Variants in ZRSR2 observed in about 807,000 individuals in gnomAD.
ZRSR2 encodes zinc finger CCCH-type, RNA binding motif and serine/arginine rich 2.
Under a neutral mutation model 39.4 loss-of-function variants are expected in ZRSR2, and 3 were observed. The ratio of observed to expected loss-of-function variants is 0.08; its 90% CI spans 0.03 to 0.20. The LOEUF is 0.20. Among genes scored for constraint, ZRSR2 ranks in the 10% least tolerant of loss-of-function variants. ZRSR2 has a pLI of 1.00. For missense variants in ZRSR2, 256 were observed against 391.5 expected (o/e 0.65, Z 2.92); for synonymous variants, 137 against 136.0 (o/e 1.01, Z -0.05).
chrX:15,793,563 G>C (rs1932351082), intron 2 of ZRSR2, among the ~76,000 whole-genome samples: 2 of 111,085 alleles, frequency 1.8e-5, no homozygotes, highest in South Asian at 7.5e-4. Flanking sequence ...TTTTGAGACA[G>C]AGTCTCACTC....
intron 2 of ZRSR2, among the ~76,000 whole-genome samples, chrX:15,791,497 C>T (rs1406561070): frequency 1.8e-5 from 2 of 110,973 alleles, no homozygotes. Flanking sequence ...ATTTTTGAGA[C>T]AGGGTCTTGT....
At chrX:15,813,536 G>T (rs1440387577) in intron 7 of ZRSR2, among the ~76,000 whole-genome samples, 2 of 112,166 alleles carry the variant, frequency 1.8e-5, no homozygotes, top group Non-Finnish European at 3.8e-5. Flanking sequence ...AGATTATAAG[G>T]ACTGTCTTTA....
chrX:15,820,623 C>T (rs1030701536), intron 10 of ZRSR2, among the ~76,000 whole-genome samples: 2 of 112,044 alleles, frequency 1.8e-5, no homozygotes, highest in African/African-American at 6.5e-5. Flanking sequence ...GAGGAGTTTA[C>T]GTCTGTGGAA....
intron 2 of ZRSR2, among the ~76,000 whole-genome samples, chrX:15,799,446 C>G (rs1018959848): frequency 9.3e-6 from 1 of 107,441 alleles, no homozygotes; most frequent in African/African-American, 3.4e-5. Context: ...TTCCACACCC[C>G]CACCACCTTT....
chrX:15,790,504 G>A lies in ZRSR2; in HGVS notation c.9G>A (p.Ala3=). The change falls in exon 1 of 11, where the codon GCG becomes GCA. Residue 3 remains alanine, a synonymous_variant. Transcript: ENST00000307771. The stretch of plus-strand genomic sequence containing the variant: ...GGGGCGGTGCCGGCAAGATGGCTGC[G>A]CCCGAGAAGATGACGTTTCCCGAGA... MA[A]PEKMTFPEKP... The A allele has an allele frequency of 1.7e-6, 2 of 1,159,953 alleles. No homozygotes were observed. Among genetic ancestry groups the A allele is most frequent in the Non-Finnish European group, 2.3e-6 (2 of 870,985 alleles).
chrX:15,808,958 G>T (rs893344862), intron 6 of ZRSR2, among the ~76,000 whole-genome samples: 6 of 111,337 alleles, frequency 5.4e-5, no homozygotes, highest in Non-Finnish European at 1.1e-4. Flanking sequence ...AAACCTTGGC[G>T]ACTGCCCCTG....
At chrX:15,805,924 C>T (rs1178043781) in intron 5 of ZRSR2, among the ~76,000 whole-genome samples, 31 of 52,758 alleles carry the variant, frequency 5.9e-4, no homozygotes, top group African/African-American at 2.3e-3. Context: ...AACTAGACTT[C>T]GTCTCAAAAA....
chrX:15,793,386 C>T (rs1400664161), intron 2 of ZRSR2, among the ~76,000 whole-genome samples: 1 of 111,149 alleles, frequency 9.0e-6, no homozygotes, highest in East Asian at 2.8e-4. Context: ...TTTTAATGGA[C>T]TAAATCCAGG....
intron 5 of ZRSR2, 66 bp downstream of exon 5, chrX:15,804,263 T>C: frequency 9.1e-7 from 1 of 1,096,092 alleles, no homozygotes; most frequent in Non-Finnish European, 1.2e-6. Context: ...ATGTCAGAGT[T>C]TGGGTTTTTT....
At chrX:15,807,761 C>T (rs1331163977) in intron 5 of ZRSR2, among the ~76,000 whole-genome samples, 3 of 110,082 alleles carry the variant, frequency 2.7e-5, no homozygotes, top group African/African-American at 6.6e-5. Flanking sequence ...AGCTATGGGC[C>T]GGGCACGGTA....
chrX:15,811,472 T>G (rs754013077), intron 7 of ZRSR2, among the ~76,000 whole-genome samples: 18 of 106,194 alleles, frequency 1.7e-4, no homozygotes, highest in Non-Finnish European at 2.9e-4. Context: ...GTCACCAGGC[T>G]GGAGTGCAGT....
At chrX:15,807,815 G>A (rs1348553498) in intron 5 of ZRSR2, among the ~76,000 whole-genome samples, 3 of 109,065 alleles carry the variant, frequency 2.8e-5, no homozygotes, top group Non-Finnish European at 3.8e-5. Flanking sequence ...TGAGGCGGGT[G>A]GATTGCTTGA....
intron 7 of ZRSR2, among the ~76,000 whole-genome samples, chrX:15,814,410 C>T (rs1932930902): frequency 1.8e-5 from 2 of 111,807 alleles, no homozygotes; most frequent in African/African-American, 6.5e-5. Context: ...AGGAGGATCA[C>T]TTGAAGCCAG....
Position 15,818,646 on chromosome X carries a change from A to AGTATT in ZRSR2, c.827+5_827+9dup, listed in dbSNP as rs764337045. On this transcript the variant is annotated splice_donor_region_variant and intron_variant, in intron 9 of 10. Coordinates refer to ENST00000307771, the MANE Select transcript of ZRSR2 (RefSeq NM_005089.4). The stretch of plus-strand genomic sequence containing the variant: ...ATGTATATGTTCAGTACCAGTCGTA[A>AGTATT]GTATTCTGCTTGTGGATGTCTTCCT... 8.4e-7 allele frequency: 1 copy of AGTATT among 1,190,431 alleles called. No homozygotes were observed. Among genetic ancestry groups the AGTATT allele is most frequent in the Non-Finnish European group, 1.1e-6 (1 of 882,413 alleles).
intron 10 of ZRSR2, among the ~76,000 whole-genome samples, chrX:15,820,621 T>G (rs367714561): frequency 2.7e-5 from 3 of 112,209 alleles, no homozygotes; most frequent in African/African-American, 9.7e-5. Context: ...CTGAGGAGTT[T>G]ACGTCTGTGG....
chrX:15,801,594 C>G, intron 3 of ZRSR2: 1 of 148,451 alleles, frequency 6.7e-6, no homozygotes, highest in Non-Finnish European at 1.3e-5. Context: ...AAGTCAATCA[C>G]AGTATCCACC....
At chrX:15,812,347 C>T (rs1208664470) in intron 7 of ZRSR2, among the ~76,000 whole-genome samples, 1 of 112,309 alleles carries the variant, frequency 8.9e-6, no homozygotes, top group African/African-American at 3.2e-5. Flanking sequence ...TGAAATTCTG[C>T]GAAATTTGCA....
chrX:15,815,929 C>A, intron 8 of ZRSR2, 39 bp downstream of exon 8: 1 of 1,096,300 alleles, frequency 9.1e-7, no homozygotes, highest in Non-Finnish European at 1.2e-6. Flanking sequence ...GTTTGCTTCA[C>A]CCTGCAGTAC....
rs1933136064 is a variant in ZRSR2 at position 15,822,600 on chromosome X, C to T, written c.938-131C>T. Reference sequence around the variant, plus strand: ...TTATGACATCAATTTATGTAAGCCCCTTTTACATAATACACAGTAGAAAAT... The same window carrying T: ...TTATGACATCAATTTATGTAAGCCCTTTTTACATAATACACAGTAGAAAAT... On this transcript the variant is annotated intron_variant, in intron 10 of 10. Coordinates refer to ENST00000307771, the MANE Select transcript of ZRSR2 (RefSeq NM_005089.4). 7 of 1,100,188 alleles carry T rather than the reference C, an allele frequency of 6.4e-6. No homozygotes were observed. In the South Asian group the frequency reaches 1.4e-4, roughly 22 times the overall value. The allele number at this position is 1,100,188 out of a possible 1,213,427, so 90.7% of individuals were successfully genotyped here. A position where few individuals can be genotyped will look rare whatever the true frequency, so the allele number is the denominator to read the frequency against.
Sources: gnomAD v4.1 joint callset for allele counts (sites outside exome capture counted in the v4.1 genomes callset) on GRCh38, gnomAD v4.1.1 for gene constraint, MANE v1.5 for transcripts, NCBI Gene and HGNC (gene_info 2026-07-23, HGNC 2026-07-21) for gene names.